Variants in PIEZO1 observed in about 807,000 individuals in gnomAD.
PIEZO1 encodes piezo-type mechanosensitive ion channel component 1.
Under a neutral mutation model 297.2 loss-of-function variants are expected in PIEZO1, and 296 were observed. The observed-to-expected ratio is 1.00, with a 90% CI of 0.91 to 1.10. The LOEUF (loss-of-function observed/expected upper bound fraction) is 1.10, where lower values mean the gene tolerates loss of function less well. Among genes scored for constraint, PIEZO1 ranks in the 50% least tolerant of loss-of-function variants. The probability of loss-of-function intolerance (pLI) is 0.00; values close to 1 mark genes in which losing one functional copy is unlikely to be tolerated. For synonymous variants in PIEZO1, 2,427 were observed against 1,507.5 expected, an observed-to-expected ratio of 1.61 and a Z score of -14.13; for missense variants, 5,018 against 3,455.5, an observed-to-expected ratio of 1.45 and a Z score of -11.34.
At chr16:88,736,849 C>T (rs1597460481) in intron 10 of PIEZO1, 110 bp from the exon 11 acceptor site, 6 of 653,856 alleles carry the variant, frequency 9.2e-6, no homozygotes, top group South Asian at 3.9e-5. Flanking sequence ...GAGAGACAGG[C>T]CCCCGGTGGG....
At position 88,719,641 on chromosome 16, in the gene PIEZO1, C is replaced by T; in HGVS notation, c.6404G>A (p.Ser2135Asn). 3 of 1,553,908 alleles carry T rather than the reference C, an allele frequency of 1.9e-6. No individual in the cohort carries two copies. The highest frequency in any genetic ancestry group is 2.6e-6 in the Non-Finnish European group (3 of 1,148,850). The change falls in exon 44 of 51, where the codon AGC (serine) becomes AAC (asparagine). Residue 2135 changes from serine (S) to asparagine (N), a missense_variant. Ser to Asn is a conservative substitution (Grantham distance 46, BLOSUM62 1). Transcript: ENST00000301015. ...ATAGATGTCCTCCACACACATCCAGCTGGACAGGGACAGCGTGGTGTCCGT... is the reference window on the plus strand; with the variant it reads ...ATAGATGTCCTCCACACACATCCAGTTGGACAGGGACAGCGTGGTGTCCGT... ...VWTDTTLSLS[S>N]WMCVEDIYAN...
chr16:88,733,145 G>C (rs991661835), intron 19 of PIEZO1, 133 bp downstream of exon 19: 98 of 833,068 alleles, frequency 1.2e-4, no homozygotes, highest in Middle Eastern at 3.7e-4. Context: ...AAGCCCCCTT[G>C]GCGCCCCCAG....
chr16:88,777,318 G>A (rs1907711224), intron 1 of PIEZO1, among the ~76,000 whole-genome samples: 2 of 152,248 alleles, frequency 1.3e-5, no homozygotes, highest in Non-Finnish European at 2.9e-5. Context: ...CACCAAGGAG[G>A]GAGAAAGCGA....
chr16:88,776,268 A>G (rs1317603125), intron 1 of PIEZO1, among the ~76,000 whole-genome samples: 1 of 152,156 alleles, frequency 6.6e-6, no homozygotes, highest in Non-Finnish European at 1.5e-5. Flanking sequence ...CCCCGTCTCT[A>G]CTAAAAATAC....
At chr16:88,753,044 C>G (rs1906470499) in intron 1 of PIEZO1, among the ~76,000 whole-genome samples, 2 of 151,550 alleles carry the variant, frequency 1.3e-5, no homozygotes, top group South Asian at 2.1e-4. Flanking sequence ...GGAAAAGGCT[C>G]AGAGAGGAAG....
In PIEZO1 at chr16:88,738,276, G is replaced by A. The variant is rs1309674456; in HGVS notation, c.799C>T (p.Gln267Ter). Residue 267 changes from glutamine (Q) to a stop codon, truncating the protein, a stop_gained, in exon 7 of 51, where the codon CAG becomes TAG. Transcript: ENST00000301015. LOFTEE classifies it high-confidence loss of function. ...AGHLICLYCYQMPLAQALLPP... is the reference protein window; with the variant it reads ...AGHLICLYCY ...AGCAGAGCCTGTGCCAAGGGCATCT[G>A]GTAGCAGTAGAGGCAGATGAGATGG... is the stretch of plus-strand genomic sequence containing the variant. 1 of 1,535,782 alleles carries A rather than the reference G, an allele frequency of 6.5e-7. No individual in the cohort carries two copies. The highest frequency in any genetic ancestry group is 1.4e-5 in the African/African-American group (1 of 73,056).
At chr16:88,726,686 C>CGGTG in intron 25 of PIEZO1, 29 bp downstream of exon 25, 3 of 1,460,684 alleles carry the variant, frequency 2.1e-6, no homozygotes, top group Non-Finnish European at 2.7e-6. Context: ...GGCCCCAGGG[C>CGGTG]GGTGGGTGCG....
intron 29 of PIEZO1, 47 bp from the exon 30 acceptor site, chr16:88,725,127 AG>A: frequency 7.3e-7 from 1 of 1,361,542 alleles, no homozygotes; most frequent in Non-Finnish European, 1.0e-6. Context: ...AGCCACCAGG[AG>A]GGGTCGGGGC....
chr16:88,774,747 T>C (rs769481556), intron 1 of PIEZO1, among the ~76,000 whole-genome samples: 5 of 151,960 alleles, frequency 3.3e-5, no homozygotes, highest in Admixed American at 6.6e-5. Flanking sequence ...ACTCTTAGGG[T>C]ACATGGGGTT....
Position 88,732,483 on chromosome 16 carries a change from C to T in PIEZO1, c.2843G>A (p.Arg948His), listed in dbSNP as rs1347920374. The change falls in exon 21 of 51, where the codon CGC becomes CAC. Residue 948 changes from arginine (R) to histidine (H), a missense_variant. Transcript: ENST00000301015. ...GTGCTGCCGGCGGTAGTGCTCCTGG[C>T]GCCGGTACACGATGGCCTCGAATAC... Reference protein sequence around the residue: ...LLVFEAIVYRRQEHYRRQHQL... With the variant: ...LLVFEAIVYRHQEHYRRQHQL... 26 of 1,549,108 alleles carry T rather than the reference C, an allele frequency of 1.7e-5. No individual in the cohort carries two copies. Among genetic ancestry groups the T allele is most frequent in the South Asian group, 3.6e-5 (3 of 84,002 alleles).
chr16:88,779,916 T>G (rs1024868558), intron 1 of PIEZO1, among the ~76,000 whole-genome samples: 2 of 152,196 alleles, frequency 1.3e-5, no homozygotes, highest in Non-Finnish European at 2.9e-5. Context: ...GGGGGACGGC[T>G]GTCCCGCCCC....
chr16:88,720,326 G>A (rs1035715423), intron 41 of PIEZO1, 43 bp from the exon 42 acceptor site: 19 of 1,549,840 alleles, frequency 1.2e-5, no homozygotes, highest in East Asian at 2.4e-5. Context: ...CAAGCCCAGG[G>A]GATGTGGGTG....
At position 88,727,673 on chromosome 16, in the gene PIEZO1, G is replaced by A. The variant is rs769856703; in HGVS notation, c.3197-12C>T. On this transcript the variant is annotated splice_polypyrimidine_tract_variant and intron_variant, in intron 22 of 50. Coordinates refer to ENST00000301015, the MANE Select transcript of PIEZO1 (RefSeq NM_001142864.4). Reference sequence around the variant, plus strand: ...GCGCCAGGGATAATCTGGGGGAAGGGGTGTCATGTCAGGAAGGGCCGGGCC... The same window carrying A: ...GCGCCAGGGATAATCTGGGGGAAGGAGTGTCATGTCAGGAAGGGCCGGGCC... 3.6e-6 allele frequency: 5 copies of A among 1,395,692 alleles called. No individual in the cohort carries two copies. The highest frequency in any genetic ancestry group is 3.8e-6 in the Non-Finnish European group (4 of 1,042,594). The allele number at this position is 1,395,692 out of a possible 1,614,324, so 86.5% of individuals were successfully genotyped here.
Position 88,720,233 on chromosome 16 carries a change from T to G in PIEZO1, c.6000A>C (p.Val2000=). The change falls in exon 42 of 51, where the codon GTA becomes GTC. Residue 2000 remains valine (V), a synonymous_variant. Transcript: ENST00000301015. ...GCAGCATGACCAGGAAAGCCTCGGG[T>G]ACCTGGTCGTCTGATAGGGAGGACG... ...DITSSLSDDQ[V]PEAFLVMLLI... 6.4e-7 allele frequency: 1 copy of G among 1,550,514 alleles called. No individual in the cohort carries two copies. Among genetic ancestry groups the G allele is most frequent in the Non-Finnish European group, 8.7e-7 (1 of 1,146,966 alleles).
At chr16:88,768,908 G>A (rs1907298526) in intron 1 of PIEZO1, among the ~76,000 whole-genome samples, 1 of 152,194 alleles carries the variant, frequency 6.6e-6, no homozygotes, top group Non-Finnish European at 1.5e-5. Flanking sequence ...AGCCATGGCC[G>A]GGGCCGGATG....
chr16:88,737,829 G>A lies in PIEZO1; in HGVS notation c.1021-15C>T, dbSNP rs564675276. On this transcript the variant is annotated splice_polypyrimidine_tract_variant and intron_variant, in intron 8 of 50. Transcript: ENST00000301015. ...GCCTCCTTCCTCTGCAGAGACCAGC[G>A]TCTTGAGCCCAAACCAGCTCCACAC... 1.6e-5 allele frequency: 24 copies of A among 1,535,354 alleles called. No individual in the cohort carries two copies. Among genetic ancestry groups the A allele is most frequent in the African/African-American group, 9.6e-5 (7 of 73,144 alleles).
At chr16:88,721,090 T>G in intron 39 of PIEZO1, 76 bp downstream of exon 39, 5 of 1,382,042 alleles carry the variant, frequency 3.6e-6, no homozygotes, top group Non-Finnish European at 4.8e-6. Flanking sequence ...CCGTCTCATC[T>G]GAGAAAGACC....
rs59537814 is a variant in PIEZO1, at chr16:88,734,193, T to C, written c.2181-139A>G. The C allele has an allele frequency of 0.018, 22,557 of 1,232,872 alleles. 1,687 individuals carry two copies. In the African/African-American group the frequency reaches 0.21, roughly 11 times the overall value. The allele number at this position is 1,232,872 out of a possible 1,614,324, so 76.4% of individuals were successfully genotyped here. On this transcript the variant is annotated intron_variant, in intron 16 of 50. Coordinates refer to ENST00000301015, the MANE Select transcript of PIEZO1 (RefSeq NM_001142864.4). ...CAGCTGTGTCGCAACTCATGCCCAC[T>C]GTCCCTGTGACCTCCACGCTACTGC...
At chr16:88,752,211 G>A (rs1255576549) in intron 1 of PIEZO1, among the ~76,000 whole-genome samples, 1 of 152,242 alleles carries the variant, frequency 6.6e-6, no homozygotes, top group Non-Finnish European at 1.5e-5. Context: ...GGCCGGGTGT[G>A]GTGGCTGAGG....
Sources: allele counts gnomAD v4.1 joint callset (sites outside exome capture counted in the v4.1 genomes callset), GRCh38; gene constraint gnomAD v4.1.1; transcripts MANE v1.5; gene names NCBI Gene and HGNC (gene_info 2026-07-23, HGNC 2026-07-21).